The following KCNQ3 variants were observed in gnomAD, a reference collection of about 807,000 sequenced individuals.
The protein encoded by KCNQ3 is potassium voltage-gated channel subfamily KQT member 3.
A neutral mutation model predicts 92.5 loss-of-function variants in KCNQ3; 30 were observed. The ratio of observed to expected loss-of-function variants is 0.32; its 90% CI spans 0.24 to 0.44. The LOEUF (loss-of-function observed/expected upper bound fraction) is 0.44, where lower values mean the gene tolerates loss of function less well. Among genes scored for constraint, KCNQ3 ranks in the 20% least tolerant of loss-of-function variants. The pLI, the probability that KCNQ3 is intolerant of heterozygous loss-of-function variation, is 1.00. For missense variants in KCNQ3, 913 were observed against 1,140.3 expected, an observed-to-expected ratio of 0.80 and a Z score of 2.87; for synonymous variants, 450 against 468.8, an observed-to-expected ratio of 0.96 and a Z score of 0.52.
chr8:132,186,470 C>G lies in KCNQ3; in HGVS notation c.387-289G>C, dbSNP rs1179010023. On this transcript the variant is annotated intron_variant, in intron 1 of 14. Coordinates refer to ENST00000388996, the MANE Select transcript of KCNQ3 (RefSeq NM_004519.4). ...AGAATTTAAACTAGATCATCTGGTT[C>G]CAACCTCGAGGACATTGCTGAAAGT... The G allele has an allele frequency of 7.5e-6, 3 of 400,866 alleles. No individual in the cohort carries two copies. In the Admixed American group the frequency reaches 1.1e-4, roughly 14 times the overall value. The allele number at this position is 400,866 out of a possible 1,614,324, so 24.8% of individuals were successfully genotyped here.
At chr8:132,153,410 T>C (rs11776226) in intron 9 of KCNQ3, among the ~76,000 whole-genome samples, 4,954 of 152,276 alleles carry the variant, frequency 0.033, 123 homozygotes, top group Non-Finnish European at 0.053. Context: ...CACTTTAGTA[T>C]TCAGCTTATG....
At chr8:132,477,574 A>G (rs1474993687) in intron 1 of KCNQ3, among the ~76,000 whole-genome samples, 1 of 152,256 alleles carries the variant, frequency 6.6e-6, no homozygotes, top group East Asian at 1.9e-4. Context: ...CTAAGTAAGT[A>G]TGCTTCAATA....
rs375383542 is a variant in KCNQ3, at chr8:132,290,709, C to T, written c.387-104528G>A. Among the ~76,000 whole-genome samples, 9 of 152,234 alleles carry T rather than the reference C, an allele frequency of 5.9e-5. No homozygotes were observed. The South Asian group carries it at 1.9e-3, about 32-fold the overall frequency. ...TTCTGGTAGGAAAGGATGGAAGTGCCACCATGCTGAGTTAGAAAACACCGG... is the reference window on the plus strand; with the variant it reads ...TTCTGGTAGGAAAGGATGGAAGTGCTACCATGCTGAGTTAGAAAACACCGG... On this transcript the variant is annotated intron_variant, in intron 1 of 14. Coordinates refer to ENST00000388996, the MANE Select transcript of KCNQ3 (RefSeq NM_004519.4).
At position 132,130,313 on chromosome 8, in the gene KCNQ3, G is replaced by A. The variant is rs141555574; in HGVS notation, c.1885-317C>T. ...GCCAGGCTGGTCTTGAACTGACCTC[G>A]TGATCCACCTGCCTTGGCCTCCCAA... On this transcript the variant is annotated intron_variant, in intron 14 of 14. Transcript: ENST00000388996. Among the ~76,000 whole-genome samples the A allele has an allele frequency of 6.4e-4, 97 of 152,126 alleles. 1 individual carries two copies. The East Asian group carries it at 0.016, about 25-fold the overall frequency.
chr8:132,317,277 G>A (rs1817770921), intron 1 of KCNQ3, among the ~76,000 whole-genome samples: 1 of 152,166 alleles, frequency 6.6e-6, no homozygotes, highest in South Asian at 2.1e-4. Context: ...TTTGTTTATA[G>A]TGAACCTCTA....
intron 1 of KCNQ3, among the ~76,000 whole-genome samples, chr8:132,357,420 C>T (rs753524405): frequency 3.9e-5 from 6 of 152,150 alleles, no homozygotes; most frequent in South Asian, 2.1e-4. Context: ...ATTGTCTGCA[C>T]GAAAGGCAAA....
intron 1 of KCNQ3, among the ~76,000 whole-genome samples, chr8:132,298,406 G>T (rs1817111791): frequency 6.6e-6 from 1 of 152,080 alleles, no homozygotes. Flanking sequence ...CCTTAATCAG[G>T]GTGTGGGGAT....
At chr8:132,152,662 C>T (rs1011453019) in intron 9 of KCNQ3, among the ~76,000 whole-genome samples, 1 of 152,158 alleles carries the variant, frequency 6.6e-6, no homozygotes, top group Non-Finnish European at 1.5e-5. Flanking sequence ...TTTGCCTACA[C>T]AGTCCCTGTA....
intron 1 of KCNQ3, among the ~76,000 whole-genome samples, chr8:132,232,828 A>G (rs1366630346): frequency 1.3e-5 from 2 of 152,210 alleles, no homozygotes; most frequent in African/African-American, 4.8e-5. Flanking sequence ...GTTTTGGCCA[A>G]TGAAATGTGC....
At chr8:132,332,689 T>C (rs1818263260) in intron 1 of KCNQ3, among the ~76,000 whole-genome samples, 1 of 152,232 alleles carries the variant, frequency 6.6e-6, no homozygotes, top group Non-Finnish European at 1.5e-5. Context: ...GTCAAGCCAA[T>C]TGAGCTGTCT....
At chr8:132,328,131 C>G (rs1300688773) in intron 1 of KCNQ3, among the ~76,000 whole-genome samples, 4 of 152,112 alleles carry the variant, frequency 2.6e-5, no homozygotes, top group Admixed American at 2.6e-4. Context: ...ATCCAGATGG[C>G]TTGGAGGAGG....
At chr8:132,326,428 C>T (rs1818054104) in intron 1 of KCNQ3, among the ~76,000 whole-genome samples, 1 of 152,186 alleles carries the variant, frequency 6.6e-6, no homozygotes, top group Admixed American at 6.5e-5. Context: ...AGGAAAGATC[C>T]AGTCCCTGCC....
intron 1 of KCNQ3, among the ~76,000 whole-genome samples, chr8:132,448,874 T>C (rs965068875): frequency 1.3e-5 from 2 of 152,214 alleles, no homozygotes; most frequent in Non-Finnish European, 2.9e-5. Flanking sequence ...TGGCATTTAT[T>C]TGAGCAGGAA....
intron 7 of KCNQ3, 110 bp from the exon 8 acceptor site, chr8:132,170,538 A>G: frequency 1.3e-6 from 1 of 744,172 alleles, no homozygotes; most frequent in Non-Finnish European, 2.4e-6. Context: ...AAGAATTTGA[A>G]TGTGCATTGA....
rs148153070 is a variant in KCNQ3, at chr8:132,312,746, C to T, written c.387-126565G>A. Among the ~76,000 whole-genome samples, 324 of 152,272 alleles carry T rather than the reference C, an allele frequency of 2.1e-3. 1 individual carries two copies. The highest frequency in any genetic ancestry group is 7.5e-3 in the African/African-American group (311 of 41,548). Reference sequence around the variant, plus strand: ...TTTGACAGTTCCTCCTTCACACTCTCGCTCTCCCTCACCTGCTGCCATGTA... The same window carrying T: ...TTTGACAGTTCCTCCTTCACACTCTTGCTCTCCCTCACCTGCTGCCATGTA... On this transcript the variant is annotated intron_variant, in intron 1 of 14. Transcript: ENST00000388996.
chr8:132,315,646 A>C lies in KCNQ3; in HGVS notation c.387-129465T>G, dbSNP rs567660652. ...ATAAGTAGTTTCTTCAAATTGAAAG[A>C]TAACTTATTTCCCATGACATCCCAG... On this transcript the variant is annotated intron_variant, in intron 1 of 14. Transcript: ENST00000388996. Among the ~76,000 whole-genome samples the C allele has an allele frequency of 2.6e-5, 4 of 152,332 alleles. No individual in the cohort carries two copies. In the South Asian group the frequency reaches 8.3e-4, roughly 32 times the overall value.
intron 1 of KCNQ3, among the ~76,000 whole-genome samples, chr8:132,416,501 T>A (rs751736779): frequency 7.2e-5 from 11 of 151,948 alleles, no homozygotes; most frequent in Non-Finnish European, 1.6e-4. Flanking sequence ...GCACCCATAA[T>A]CCCAGCTACT....
At chr8:132,216,984 T>C (rs1386061328) in intron 1 of KCNQ3, among the ~76,000 whole-genome samples, 4 of 152,228 alleles carry the variant, frequency 2.6e-5, no homozygotes, top group Non-Finnish European at 5.9e-5. Flanking sequence ...AAATAAATTA[T>C]GTTAAAAACA....
rs951304528 is a variant in KCNQ3, at chr8:132,130,023, A to G, written c.1885-27T>C. On this transcript the variant is annotated intron_variant, in intron 14 of 14. Transcript: ENST00000388996. ...TGGAAAATCAAAGGAGCTGTGAATT[A>G]CCACTTTCTCTGAGGGTGGGGATCG... The G allele has an allele frequency of 3.1e-6, 5 of 1,610,156 alleles. No homozygotes were observed. In the African/African-American group the frequency reaches 6.7e-5, roughly 22 times the overall value.
Sources: allele counts gnomAD v4.1 joint callset (sites outside exome capture counted in the v4.1 genomes callset), GRCh38; gene constraint gnomAD v4.1.1; transcripts MANE v1.5; gene names NCBI Gene and HGNC (gene_info 2026-07-23, HGNC 2026-07-21).